Variants in DAB1 observed in about 807,000 individuals in gnomAD.
The protein encoded by DAB1 is disabled homolog 1.
Under a neutral mutation model 64.6 loss-of-function variants are expected in DAB1, and 15 were observed. The observed-to-expected ratio is 0.23, with a 90% CI of 0.16 to 0.36. DAB1 has a LOEUF of 0.36. Ranked by LOEUF, DAB1 falls within the 10% of genes least tolerant of loss-of-function variation. The pLI is 1.00. For missense variants in DAB1, 596 were observed against 706.7 expected (o/e 0.84, Z 1.78); for synonymous variants, 235 against 251.9 (o/e 0.93, Z 0.64).
At chr1:58,264,770 G>T (rs1366354335) in intron 4 of DAB1, among the ~76,000 whole-genome samples, 2 of 152,294 alleles carry the variant, frequency 1.3e-5, no homozygotes, top group East Asian at 3.9e-4. Context: ...TGTAGGGGGT[G>T]CTGGGAAATA....
At chr1:57,750,783 G>A (rs1176326065) in intron 6 of DAB1, among the ~76,000 whole-genome samples, 1 of 152,132 alleles carries the variant, frequency 6.6e-6, no homozygotes, top group African/African-American at 2.4e-5. Flanking sequence ...CGCTGTGAGA[G>A]GCTTGAAGGT....
intron 3 of DAB1, among the ~76,000 whole-genome samples, chr1:58,411,764 T>C (rs768593128): frequency 5.9e-5 from 9 of 152,330 alleles, no homozygotes; most frequent in Non-Finnish European, 1.3e-4. Context: ...TGGAAAATCC[T>C]TTCTGTCTGA....
chr1:57,075,900 C>G (rs75747694), intron 4 of DAB1, among the ~76,000 whole-genome samples: 2 of 152,254 alleles, frequency 1.3e-5, no homozygotes, highest in East Asian at 3.9e-4. Context: ...CCTTGATAAG[C>G]TGGGATGAGG....
At position 57,154,480 on chromosome 1, in the gene DAB1, T is replaced by C. The variant is rs559641496; in HGVS notation, c.68-9051A>G. Among the ~76,000 whole-genome samples the C allele has an allele frequency of 3.2e-4, 49 of 152,352 alleles. 1 individual carries two copies. The highest frequency in any genetic ancestry group is 8.9e-4 in the African/African-American group (37 of 41,596). ...TAAGGTTGCTCACAGATCTTAGTTA[T>C]TGTCAACAGTGCTGCAACAAACATG... On this transcript the variant is annotated intron_variant, in intron 2 of 14. Coordinates refer to ENST00000371236, the MANE Select transcript of DAB1 (RefSeq NM_001365792.1).
intron 5 of DAB1, among the ~76,000 whole-genome samples, chr1:58,045,845 C>G (rs932680979): frequency 6.6e-6 from 1 of 151,940 alleles, no homozygotes; most frequent in Non-Finnish European, 1.5e-5. Flanking sequence ...TTTCACACAG[C>G]ATAGAGATGC....
At chr1:58,102,291 G>A (rs1651369858) in intron 5 of DAB1, among the ~76,000 whole-genome samples, 1 of 152,198 alleles carries the variant, frequency 6.6e-6, no homozygotes, top group Admixed American at 6.5e-5. Flanking sequence ...GGAAAAGGTA[G>A]TCTGATGGGG....
chr1:58,086,391 A>G (rs974388741), intron 5 of DAB1, among the ~76,000 whole-genome samples: 1 of 152,160 alleles, frequency 6.6e-6, no homozygotes, highest in Non-Finnish European at 1.5e-5. Flanking sequence ...GAAGTCTCCT[A>G]CCTGTAGACA....
chr1:57,338,745 A>C (rs1677307389), intron 1 of DAB1, among the ~76,000 whole-genome samples: 1 of 152,150 alleles, frequency 6.6e-6, no homozygotes. Context: ...TTTGAAAACC[A>C]CAGTCTTGTG....
At chr1:58,249,985 G>A (rs1660730968) in intron 4 of DAB1, among the ~76,000 whole-genome samples, 1 of 152,220 alleles carries the variant, frequency 6.6e-6, no homozygotes, top group South Asian at 2.1e-4. Context: ...AGCCGCCGCG[G>A]CAGCCGCTGC....
At chr1:57,228,291 A>C (rs566106451) in intron 2 of DAB1, among the ~76,000 whole-genome samples, 9 of 152,306 alleles carry the variant, frequency 5.9e-5, no homozygotes, top group Admixed American at 2.6e-4. Flanking sequence ...TTTGACCTGG[A>C]TTGCACTGAA....
chr1:57,220,968 T>G (rs967389131), intron 2 of DAB1, among the ~76,000 whole-genome samples: 2 of 152,172 alleles, frequency 1.3e-5, no homozygotes, highest in East Asian at 3.8e-4. Context: ...TGTGGCACTA[T>G]TCACAATAGT....
chr1:57,930,630 C>T (rs866169584), intron 5 of DAB1, among the ~76,000 whole-genome samples: 7 of 151,994 alleles, frequency 4.6e-5, no homozygotes, highest in Non-Finnish European at 8.8e-5. Flanking sequence ...TTTAGGTGTG[C>T]TAATTGATAT....
intron 2 of DAB1, among the ~76,000 whole-genome samples, 169 bp downstream of exon 2, chr1:57,290,795 G>GAAT (rs1444356191): frequency 2.6e-5 from 4 of 151,936 alleles, no homozygotes; most frequent in African/African-American, 9.7e-5. Flanking sequence ...TTTATCTGGA[G>GAAT]AATAATGATG....
At chr1:57,623,449 G>C (rs1320122174) in intron 7 of DAB1, among the ~76,000 whole-genome samples, 1 of 152,132 alleles carries the variant, frequency 6.6e-6, no homozygotes, top group Non-Finnish European at 1.5e-5. Flanking sequence ...AACAATTAAG[G>C]GTCTTGTAAT....
At chr1:58,233,285 C>T (rs1659863413) in intron 4 of DAB1, among the ~76,000 whole-genome samples, 1 of 152,100 alleles carries the variant, frequency 6.6e-6, no homozygotes, top group Non-Finnish European at 1.5e-5. Context: ...TTTCAATCTC[C>T]ATAACAACTT....
At chr1:58,365,802 A>T (rs570639287) in intron 3 of DAB1, among the ~76,000 whole-genome samples, 2 of 152,142 alleles carry the variant, frequency 1.3e-5, no homozygotes, top group Non-Finnish European at 2.9e-5. Flanking sequence ...ACTTGCACAA[A>T]ACTGAGATCA....
intron 4 of DAB1, among the ~76,000 whole-genome samples, chr1:57,082,465 G>A (rs61765270): frequency 3.2e-4 from 48 of 152,014 alleles, no homozygotes; most frequent in Non-Finnish European, 6.6e-4. Context: ...GTATTCCCAC[G>A]GCCTGCATCA....
chr1:58,327,678 A>T (rs1243003052), intron 4 of DAB1, among the ~76,000 whole-genome samples: 1 of 152,098 alleles, frequency 6.6e-6, no homozygotes, highest in Non-Finnish European at 1.5e-5. Flanking sequence ...AGGCCTTGAG[A>T]AATGAGCAAG....
At chr1:57,741,951 G>A (rs958719046) in intron 6 of DAB1, among the ~76,000 whole-genome samples, 3 of 152,168 alleles carry the variant, frequency 2.0e-5, no homozygotes, top group African/African-American at 4.8e-5. Flanking sequence ...TACAGTTTTC[G>A]AGTGCTATGT....
Sources: gnomAD v4.1 joint callset for allele counts (sites outside exome capture counted in the v4.1 genomes callset) on GRCh38, gnomAD v4.1.1 for gene constraint, MANE v1.5 for transcripts, NCBI Gene and HGNC (gene_info 2026-07-23, HGNC 2026-07-21) for gene names.